DLG2: variants seen among roughly 807,000 people sequenced by gnomAD.
The protein encoded by DLG2 is discs large MAGUK scaffold protein 2, also known as disks large homolog 2.
A neutral mutation model predicts 132.5 loss-of-function variants in DLG2; 45 were observed. The ratio of observed to expected loss-of-function variants is 0.34; its 90% confidence interval spans 0.27 to 0.44. DLG2 has a LOEUF of 0.44. Ranked by LOEUF, DLG2 falls within the 20% of genes least tolerant of loss-of-function variation. The pLI is 1.00. For synonymous variants in DLG2, 424 were observed against 419.6 expected (o/e 1.01, Z -0.13); for missense variants, 1,045 against 1,196.9 (o/e 0.87, Z 1.87).
chr11:85,378,803 T>C (rs1295779903), intron 3 of DLG2, among the ~76,000 whole-genome samples: 1 of 152,176 alleles, frequency 6.6e-6, no homozygotes, highest in Non-Finnish European at 1.5e-5. Context: ...ATTACAAGTT[T>C]ATTCTCAATA....
chr11:85,516,329 A>G (rs1411701819), intron 3 of DLG2, among the ~76,000 whole-genome samples: 2 of 152,048 alleles, frequency 1.3e-5, no homozygotes, highest in East Asian at 3.9e-4. Flanking sequence ...CAATAAATTT[A>G]TACATCCAAA....
At chr11:84,660,205 C>A (rs892931891) in intron 6 of DLG2, among the ~76,000 whole-genome samples, 1 of 152,078 alleles carries the variant, frequency 6.6e-6, no homozygotes, top group African/African-American at 2.4e-5. Flanking sequence ...CCCAGGCAAA[C>A]AAAGGCATTC....
At chr11:84,177,846 T>C (rs1389449954) in intron 8 of DLG2, among the ~76,000 whole-genome samples, 1 of 152,126 alleles carries the variant, frequency 6.6e-6, no homozygotes, top group African/African-American at 2.4e-5. Context: ...AATGTTATTA[T>C]TATACTGTTC....
chr11:83,664,495 G>A (rs2075096118), intron 18 of DLG2, among the ~76,000 whole-genome samples: 1 of 151,880 alleles, frequency 6.6e-6, no homozygotes, highest in African/African-American at 2.4e-5. Context: ...GACAGGTAGA[G>A]TTGGGTGGCT....
intron 3 of DLG2, among the ~76,000 whole-genome samples, chr11:85,418,447 G>A (rs2090039540): frequency 6.6e-6 from 1 of 152,158 alleles, no homozygotes. Context: ...TTTTTTAGAT[G>A]TCTATTAGGT....
chr11:84,090,414 C>CAAAAAAAAA (rs397848695), intron 10 of DLG2, among the ~76,000 whole-genome samples: 10 of 78,594 alleles, frequency 1.3e-4, no homozygotes, highest in Admixed American at 1.6e-4. Context: ...GATTTCATCT[C>CAAAAAAAAA]AAAAAAAAAA....
intron 26 of DLG2, among the ~76,000 whole-genome samples, chr11:83,464,212 TA>T (rs1457631857): frequency 6.6e-6 from 1 of 152,144 alleles, no homozygotes; most frequent in Non-Finnish European, 1.5e-5. Context: ...TGGCACAATA[TA>T]AAAAGAACAT....
chr11:84,829,858 A>AAATAG (rs1279752779), intron 6 of DLG2, among the ~76,000 whole-genome samples: 3 of 151,684 alleles, frequency 2.0e-5, no homozygotes, highest in South Asian at 2.1e-4. Context: ...ATTTAAAAAT[A>AAATAG]AATAGAATAG....
At chr11:85,266,560 T>C (rs1041696547) in intron 4 of DLG2, among the ~76,000 whole-genome samples, 22 of 152,040 alleles carry the variant, frequency 1.4e-4, no homozygotes, top group African/African-American at 4.6e-4. Flanking sequence ...TATACCTATA[T>C]AACAATCCTG....
chr11:84,491,346 T>C (rs1433603721), intron 7 of DLG2, among the ~76,000 whole-genome samples: 1 of 152,092 alleles, frequency 6.6e-6, no homozygotes, highest in Non-Finnish European at 1.5e-5. Context: ...TCTATTTGCC[T>C]GCCGCCATCC....
At chr11:84,910,455 C>T (rs2091950807) in intron 6 of DLG2, among the ~76,000 whole-genome samples, 1 of 152,142 alleles carries the variant, frequency 6.6e-6, no homozygotes, top group South Asian at 2.1e-4. Context: ...TACTTCAAAT[C>T]AAATTAACTT....
chr11:85,531,927 C>T (rs1426859444), intron 3 of DLG2, among the ~76,000 whole-genome samples: 1 of 152,074 alleles, frequency 6.6e-6, no homozygotes, highest in African/African-American at 2.4e-5. Context: ...TGTTAAGCAA[C>T]TTTCTCAAAG....
At chr11:85,288,717 C>A (rs1217584003) in intron 3 of DLG2, among the ~76,000 whole-genome samples, 4 of 152,010 alleles carry the variant, frequency 2.6e-5, no homozygotes, top group Non-Finnish European at 1.5e-5. Flanking sequence ...GTAAACATAT[C>A]TGCAGCTACA....
At chr11:84,218,650 G>A (rs571844832) in intron 8 of DLG2, among the ~76,000 whole-genome samples, 1 of 152,262 alleles carries the variant, frequency 6.6e-6, no homozygotes, top group Admixed American at 6.5e-5. Context: ...AGGATCCTGG[G>A]TCACTGTGTG....
chr11:83,696,407 A>G (rs925074925), intron 18 of DLG2, among the ~76,000 whole-genome samples: 1 of 152,156 alleles, frequency 6.6e-6, no homozygotes, highest in Non-Finnish European at 1.5e-5. Context: ...ATGAGAATGC[A>G]CTTTATATAT....
intron 6 of DLG2, among the ~76,000 whole-genome samples, chr11:85,109,026 T>A (rs2072273314): frequency 6.7e-6 from 1 of 149,838 alleles, no homozygotes; most frequent in South Asian, 2.1e-4. Context: ...ACTACCAGTT[T>A]GGTATATCTC....
chr11:84,546,195 G>A (rs974949544), intron 6 of DLG2, among the ~76,000 whole-genome samples: 7 of 152,132 alleles, frequency 4.6e-5, no homozygotes, highest in Non-Finnish European at 1.0e-4. Context: ...CATAGGGGTG[G>A]TTTCTAATGG....
chr11:85,518,933 T>C (rs1031465040), intron 3 of DLG2, among the ~76,000 whole-genome samples: 26 of 152,152 alleles, frequency 1.7e-4, no homozygotes, highest in Non-Finnish European at 3.7e-4. Context: ...CTTGGCAGCT[T>C]CCACGTGGTG....
At chr11:83,489,618 T>C (rs2093725823) in intron 21 of DLG2, among the ~76,000 whole-genome samples, 1 of 152,018 alleles carries the variant, frequency 6.6e-6, no homozygotes, top group Non-Finnish European at 1.5e-5. Flanking sequence ...ATTATGGTCA[T>C]GCCATATTGC....
Sources: allele counts gnomAD v4.1 joint callset (sites outside exome capture counted in the v4.1 genomes callset), GRCh38; gene constraint gnomAD v4.1.1; transcripts MANE v1.5; gene names NCBI Gene and HGNC (gene_info 2026-07-23, HGNC 2026-07-21).